Variants in LRRC4C observed in about 807,000 individuals in gnomAD.
The protein encoded by LRRC4C is leucine rich repeat containing 4C, also known as leucine-rich repeat-containing protein 4C.
A neutral mutation model predicts 33.6 loss-of-function variants in LRRC4C; 5 were observed. The observed-to-expected ratio is 0.15, with a 90% CI of 0.08 to 0.31. The LOEUF (loss-of-function observed/expected upper bound fraction) is 0.31. Among genes scored for constraint, LRRC4C ranks in the 10% least tolerant of loss-of-function variants. The pLI is 1.00. For synonymous variants in LRRC4C, 329 were observed against 302.0 expected, an observed-to-expected ratio of 1.09 and a Z score of -0.93; for missense variants, 560 against 796.7, an observed-to-expected ratio of 0.70 and a Z score of 3.58.
At position 40,923,001 on chromosome 11, in the gene LRRC4C, T is replaced by G. The variant is rs139052011; in HGVS notation, c.-407+10634A>C. ...CACCACACCCAGCTAATTTTTGTAT[T>G]TTTAGTAGAGACAGGGTTTCACCAT... On this transcript the variant is annotated intron_variant, in intron 2 of 6. Transcript: ENST00000528697. Among the ~76,000 whole-genome samples the G allele has an allele frequency of 8.4e-3, 1,275 of 152,230 alleles. 27 individuals are homozygous for G. Among genetic ancestry groups the G allele is most frequent in the African/African-American group, 0.029 (1,194 of 41,542 alleles).
intron 3 of LRRC4C, among the ~76,000 whole-genome samples, chr11:40,408,320 G>A (rs1005757025): frequency 1.3e-5 from 2 of 151,956 alleles, no homozygotes; most frequent in African/African-American, 4.8e-5. Flanking sequence ...TAATTAAATT[G>A]CACTCGTAGC....
intron 3 of LRRC4C, among the ~76,000 whole-genome samples, chr11:40,355,970 TATA>T (rs1947647149): frequency 2.3e-5 from 1 of 43,058 alleles, no homozygotes; most frequent in Admixed American, 3.2e-4. Context: ...TATAGTATAG[TATA>T]GTACAGTATA....
At chr11:40,935,787 G>C (rs1476939451) in intron 1 of LRRC4C, among the ~76,000 whole-genome samples, 1 of 151,564 alleles carries the variant, frequency 6.6e-6, no homozygotes, top group African/African-American at 2.4e-5. Context: ...CAGATAACTA[G>C]AAAGTCACAG....
chr11:40,489,505 C>T (rs796907743), intron 3 of LRRC4C, among the ~76,000 whole-genome samples: 1 of 152,018 alleles, frequency 6.6e-6, no homozygotes, highest in African/African-American at 2.4e-5. Flanking sequence ...TAATACCCTG[C>T]CAGGTTGTCA....
At chr11:40,709,600 G>C (rs918015446) in intron 2 of LRRC4C, among the ~76,000 whole-genome samples, 1 of 152,072 alleles carries the variant, frequency 6.6e-6, no homozygotes. Context: ...GCTTCCTTTT[G>C]TGGGAAACTC....
intron 3 of LRRC4C, among the ~76,000 whole-genome samples, chr11:40,472,317 C>T (rs758185725): frequency 2.7e-4 from 41 of 150,874 alleles, no homozygotes; most frequent in Non-Finnish European, 5.0e-4. Context: ...CACTCAAAAC[C>T]GCACAACTAC....
At chr11:41,027,539 C>A (rs1422376152) in intron 1 of LRRC4C, among the ~76,000 whole-genome samples, 17 of 151,704 alleles carry the variant, frequency 1.1e-4, no homozygotes, top group Admixed American at 1.1e-3. Context: ...TAAATCATCA[C>A]AATAATTTTA....
At chr11:40,516,181 C>T (rs114647027) in intron 3 of LRRC4C, among the ~76,000 whole-genome samples, 2,513 of 152,044 alleles carry the variant, frequency 0.017, 83 homozygotes, top group African/African-American at 0.057. Flanking sequence ...TGTTAACTTC[C>T]ATTGGTATGA....
intron 2 of LRRC4C, among the ~76,000 whole-genome samples, chr11:40,658,843 T>A (rs985075392): frequency 2.6e-5 from 4 of 152,316 alleles, no homozygotes; most frequent in African/African-American, 9.6e-5. Context: ...TACAAGAATG[T>A]GGGTCAAAGT....
intron 2 of LRRC4C, among the ~76,000 whole-genome samples, chr11:40,773,909 A>G (rs535422587): frequency 1.8e-4 from 28 of 152,096 alleles, no homozygotes; most frequent in Non-Finnish European, 3.5e-4. Context: ...ATTCGGTGGT[A>G]TATAATACAT....
intron 1 of LRRC4C, among the ~76,000 whole-genome samples, chr11:40,999,812 C>G (rs1854242181): frequency 6.6e-6 from 1 of 151,850 alleles, no homozygotes; most frequent in African/African-American, 2.4e-5. Context: ...TAAGGAATAC[C>G]CGAGTTTCCC....
chr11:41,374,150 C>A (rs1210492398), intron 1 of LRRC4C, among the ~76,000 whole-genome samples: 1 of 152,166 alleles, frequency 6.6e-6, no homozygotes, highest in Non-Finnish European at 1.5e-5. Flanking sequence ...TCTGTCTGAA[C>A]TTCCTTCTTT....
At chr11:40,175,056 A>T (rs927553007) in intron 5 of LRRC4C, among the ~76,000 whole-genome samples, 6 of 152,208 alleles carry the variant, frequency 3.9e-5, no homozygotes, top group Non-Finnish European at 8.8e-5. Context: ...CTACATGAAT[A>T]CATCTAGCTC....
At chr11:40,270,105 A>G (rs1942578913) in intron 4 of LRRC4C, among the ~76,000 whole-genome samples, 1 of 152,104 alleles carries the variant, frequency 6.6e-6, no homozygotes, top group Non-Finnish European at 1.5e-5. Flanking sequence ...TGGTGGAGAT[A>G]AGGGGAGAAT....
intron 1 of LRRC4C, among the ~76,000 whole-genome samples, chr11:41,252,951 T>C (rs1410567041): frequency 6.6e-6 from 1 of 152,136 alleles, no homozygotes; most frequent in East Asian, 1.9e-4. Context: ...CTACAACATG[T>C]GGGAATTATG....
rs372022901 is a variant in LRRC4C, at chr11:41,182,506, TAAAC to T, written c.-495-248787_-495-248784del. The stretch of plus-strand genomic sequence containing the variant: ...AAGTCCATAGGTATACAATCTTGTA[TAAAC>T]AATGTTTCTGAACCACAGTTTCCTT... On this transcript the variant is annotated intron_variant, in intron 1 of 6. Coordinates refer to ENST00000528697, the MANE Select transcript of LRRC4C (RefSeq NM_001258419.2). Among the ~76,000 whole-genome samples the T allele has an allele frequency of 3.9e-4, 59 of 152,314 alleles. 1 individual carries two copies. Among genetic ancestry groups the T allele is most frequent in the Middle Eastern group, 6.8e-3 (2 of 294 alleles).
chr11:40,592,122 G>T (rs1035496878), intron 3 of LRRC4C, among the ~76,000 whole-genome samples: 1 of 152,108 alleles, frequency 6.6e-6, no homozygotes, highest in African/African-American at 2.4e-5. Flanking sequence ...TACAATGATG[G>T]GCCAACCCAG....
At chr11:40,748,461 A>C (rs1221296361) in intron 2 of LRRC4C, among the ~76,000 whole-genome samples, 1 of 152,068 alleles carries the variant, frequency 6.6e-6, no homozygotes, top group African/African-American at 2.4e-5. Flanking sequence ...AAACACTAGA[A>C]AGTATAAAAC....
At chr11:40,464,570 C>T (rs1449386069) in intron 3 of LRRC4C, among the ~76,000 whole-genome samples, 1 of 151,794 alleles carries the variant, frequency 6.6e-6, no homozygotes, top group Non-Finnish European at 1.5e-5. Flanking sequence ...CTTATACCTG[C>T]AAAACTCTAA....
Sources: allele counts gnomAD v4.1 joint callset (sites outside exome capture counted in the v4.1 genomes callset), GRCh38; gene constraint gnomAD v4.1.1; transcripts MANE v1.5; gene names NCBI Gene and HGNC (gene_info 2026-07-23, HGNC 2026-07-21).